PRKCA: variants seen among roughly 807,000 people sequenced by gnomAD.
The protein encoded by PRKCA is protein kinase C alpha type.
In PRKCA, 27 loss-of-function variants were observed where a neutral mutation model predicts 87.0. The observed-to-expected ratio is 0.31, with a 90% CI of 0.23 to 0.43. PRKCA has a LOEUF of 0.43. Ranked by LOEUF, PRKCA falls within the 20% of genes least tolerant of loss-of-function variation. The pLI, the probability that PRKCA is intolerant of heterozygous loss-of-function variation, is 1.00. For missense variants in PRKCA, 518 were observed against 852.3 expected, an observed-to-expected ratio of 0.61 and a Z score of 4.88; for synonymous variants, 329 against 311.1, an observed-to-expected ratio of 1.06 and a Z score of -0.61.
intron 5 of PRKCA, among the ~76,000 whole-genome samples, chr17:66,651,680 A>G (rs963815809): frequency 6.6e-6 from 1 of 152,164 alleles, no homozygotes; most frequent in Non-Finnish European, 1.5e-5. Flanking sequence ...AGGAACGTAG[A>G]TGGTGATGCA....
At chr17:66,325,108 TA>T (rs1905900986) in intron 2 of PRKCA, among the ~76,000 whole-genome samples, 1 of 152,352 alleles carries the variant, frequency 6.6e-6, no homozygotes, top group Non-Finnish European at 1.5e-5. Flanking sequence ...ACTATGCCAG[TA>T]AAAATTTTTC....
chr17:66,412,001 CTT>C (rs34558353), intron 2 of PRKCA, among the ~76,000 whole-genome samples: 142 of 135,976 alleles, frequency 1.0e-3, no homozygotes, highest in East Asian at 2.4e-3. Context: ...GAAAAAAAAT[CTT>C]TTTTTTTTTT....
chr17:66,482,379 C>T (rs1468900242), intron 2 of PRKCA, among the ~76,000 whole-genome samples: 2 of 152,180 alleles, frequency 1.3e-5, no homozygotes, highest in African/African-American at 2.4e-5. Flanking sequence ...CTGCTCACCC[C>T]TTCCAGTGCC....
At chr17:66,451,478 AT>A (rs1202788442) in intron 2 of PRKCA, among the ~76,000 whole-genome samples, 3 of 151,994 alleles carry the variant, frequency 2.0e-5, no homozygotes, top group African/African-American at 7.3e-5. Flanking sequence ...TATGAATGAA[AT>A]TTTGCTCTTT....
At chr17:66,588,802 G>A (rs114906489) in intron 3 of PRKCA, among the ~76,000 whole-genome samples, 3,056 of 151,544 alleles carry the variant, frequency 0.02, 116 homozygotes, top group African/African-American at 0.069. Context: ...CACCATGCTC[G>A]GCTGATTTTT....
At chr17:66,482,212 A>G (rs1314071929) in intron 2 of PRKCA, among the ~76,000 whole-genome samples, 1 of 152,106 alleles carries the variant, frequency 6.6e-6, no homozygotes, top group Non-Finnish European at 1.5e-5. Flanking sequence ...CTTGCCCTTG[A>G]GTTTGCAATC....
intron 14 of PRKCA, among the ~76,000 whole-genome samples, chr17:66,781,879 A>AG (rs1257345587): frequency 2.3e-4 from 31 of 134,934 alleles, no homozygotes; most frequent in Non-Finnish European, 2.7e-4. Context: ...ATATATATAT[A>AG]TATATATAGT....
In PRKCA at chr17:66,805,203, AC is replaced by A. The variant is rs536546490; in HGVS notation, c.*1169del. 4.5e-5 allele frequency: 41 copies of A among 908,140 alleles called. No individual in the cohort carries two copies. In the East Asian group the frequency reaches 3.1e-3, roughly 68 times the overall value. The allele number at this position is 908,140 out of a possible 1,614,324, so 56.3% of individuals were successfully genotyped here. ...AGGCCTGGAGCTGTAGAATCAGGAA[AC>A]CCGGATGCCTAACAGCTCAAAGATG... On this transcript the variant is annotated 3_prime_UTR_variant, in exon 17 of 17. Coordinates refer to ENST00000413366, the MANE Select transcript of PRKCA (RefSeq NM_002737.3).
chr17:66,568,918 G>A (rs1328942817), intron 3 of PRKCA, among the ~76,000 whole-genome samples: 1 of 152,038 alleles, frequency 6.6e-6, no homozygotes, highest in Non-Finnish European at 1.5e-5. Context: ...CATCTTTTTA[G>A]TCTTAAAGCT....
intron 8 of PRKCA, among the ~76,000 whole-genome samples, chr17:66,697,787 T>A (rs971579614): frequency 5.9e-5 from 9 of 152,090 alleles, no homozygotes; most frequent in Admixed American, 2.0e-4. Context: ...TCCCAAACTC[T>A]ACACCCCCCA....
intron 13 of PRKCA, among the ~76,000 whole-genome samples, chr17:66,757,791 C>T (rs1057092583): frequency 2.6e-5 from 4 of 152,148 alleles, no homozygotes; most frequent in Admixed American, 2.6e-4. Context: ...GTGGCGCCAT[C>T]TCGGCTCACT....
intron 3 of PRKCA, among the ~76,000 whole-genome samples, chr17:66,633,868 C>A (rs1434843412): frequency 6.6e-6 from 1 of 152,246 alleles, no homozygotes; most frequent in Non-Finnish European, 1.5e-5. Flanking sequence ...AGATTTCACA[C>A]TGCACATAGC....
intron 2 of PRKCA, among the ~76,000 whole-genome samples, chr17:66,450,460 G>A (rs982430447): frequency 3.3e-5 from 5 of 152,124 alleles, no homozygotes; most frequent in Non-Finnish European, 5.9e-5. Context: ...ACCTGAAGAC[G>A]GCCATGTCCC....
intron 3 of PRKCA, among the ~76,000 whole-genome samples, chr17:66,585,673 T>C (rs1042862750): frequency 6.6e-6 from 1 of 151,868 alleles, no homozygotes; most frequent in Non-Finnish European, 1.5e-5. Context: ...CAATGTGGAG[T>C]GGGGAGCCGC....
chr17:66,385,752 C>T (rs1910025026), intron 2 of PRKCA, among the ~76,000 whole-genome samples: 1 of 152,096 alleles, frequency 6.6e-6, no homozygotes. Flanking sequence ...AAAATTCAAA[C>T]AGATGGAAGG....
At chr17:66,320,496 T>G (rs1905593527) in intron 2 of PRKCA, among the ~76,000 whole-genome samples, 1 of 152,152 alleles carries the variant, frequency 6.6e-6, no homozygotes, top group Non-Finnish European at 1.5e-5. Context: ...ATCTAAACTC[T>G]AGGAGTTTTA....
chr17:66,692,347 G>A (rs978057632), intron 8 of PRKCA, among the ~76,000 whole-genome samples: 2 of 152,218 alleles, frequency 1.3e-5, no homozygotes, highest in Non-Finnish European at 2.9e-5. Flanking sequence ...AGCCACTAGA[G>A]GATGGCGTCA....
At chr17:66,321,303 C>T (rs766034033) in intron 2 of PRKCA, among the ~76,000 whole-genome samples, 4 of 151,966 alleles carry the variant, frequency 2.6e-5, no homozygotes, top group Non-Finnish European at 4.4e-5. Flanking sequence ...TCTTTATTGC[C>T]CTGAGTCTTT....
intron 5 of PRKCA, among the ~76,000 whole-genome samples, chr17:66,665,340 C>T (rs969987661): frequency 3.9e-5 from 6 of 152,090 alleles, no homozygotes; most frequent in Non-Finnish European, 8.8e-5. Context: ...TTATCTGTGT[C>T]CTGAGAGTTT....
Sources: gnomAD v4.1 joint callset for allele counts (sites outside exome capture counted in the v4.1 genomes callset) on GRCh38, gnomAD v4.1.1 for gene constraint, MANE v1.5 for transcripts, NCBI Gene and HGNC (gene_info 2026-07-23, HGNC 2026-07-21) for gene names.